Variants in MAMDC2 observed in about 807,000 individuals in gnomAD.
MAMDC2 encodes the protein MAM domain containing 2, also known as MAM domain-containing protein 2.
Under a neutral mutation model 89.8 loss-of-function variants are expected in MAMDC2, and 57 were observed. The ratio of observed to expected loss-of-function variants is 0.63; its 90% CI spans 0.51 to 0.79. The LOEUF (loss-of-function observed/expected upper bound fraction) is 0.79. Among genes scored for constraint, MAMDC2 ranks in the 30% least tolerant of loss-of-function variants. The pLI is 0.00. For synonymous variants in MAMDC2, 313 were observed against 293.4 expected (o/e 1.07, Z -0.68); for missense variants, 800 against 820.6 (o/e 0.97, Z 0.31).
chr9:70,063,826 G>C (rs1284841353), intron 2 of MAMDC2, among the ~76,000 whole-genome samples: 1 of 151,936 alleles, frequency 6.6e-6, no homozygotes, highest in Non-Finnish European at 1.5e-5. Context: ...AAGAAAATTG[G>C]GGCTCAAATA....
chr9:70,106,902 G>A (rs184732646), intron 2 of MAMDC2, among the ~76,000 whole-genome samples: 11 of 152,230 alleles, frequency 7.2e-5, no homozygotes, highest in Admixed American at 2.6e-4. Context: ...GTCGGTACTC[G>A]CCACGGATAT....
chr9:70,148,632 C>G lies in MAMDC2; in HGVS notation c.1404+4813C>G, dbSNP rs868740561. 3.3e-5 allele frequency among the ~76,000 whole-genome samples: 5 copies of G among 149,574 alleles called. 1 individual carries two copies. The Middle Eastern group carries it at 0.011, about 316-fold the overall frequency. On this transcript the variant is annotated intron_variant, in intron 9 of 13. Transcript: ENST00000377182. The stretch of plus-strand genomic sequence containing the variant: ...AGGGAGGGCCAGGCATGGTGGCTCA[C>G]AACTGTAATCCCAGCACTTTGGGAG...
At chr9:70,118,747 G>A (rs1355971022) in intron 5 of MAMDC2, among the ~76,000 whole-genome samples, 1 of 152,214 alleles carries the variant, frequency 6.6e-6, no homozygotes, top group Non-Finnish European at 1.5e-5. Flanking sequence ...ACGTAGAAGG[G>A]AAGCTCATTG....
At chr9:70,066,975 G>A (rs1827281523) in intron 2 of MAMDC2, among the ~76,000 whole-genome samples, 1 of 152,180 alleles carries the variant, frequency 6.6e-6, no homozygotes, top group African/African-American at 2.4e-5. Context: ...CAAACCCCAA[G>A]GAGATTAGCA....
intron 11 of MAMDC2, among the ~76,000 whole-genome samples, chr9:70,172,409 T>C (rs573702741): frequency 2.0e-5 from 3 of 152,344 alleles, no homozygotes; most frequent in Admixed American, 2.0e-4. Flanking sequence ...AGTGATCTCT[T>C]AGCTATTGAA....
At chr9:70,180,537 A>C (rs905530341) in intron 11 of MAMDC2, among the ~76,000 whole-genome samples, 6 of 152,140 alleles carry the variant, frequency 3.9e-5, no homozygotes, top group African/African-American at 1.4e-4. Context: ...TTGTTTTCTG[A>C]CTTTTTAATG....
chr9:70,104,444 A>G (rs780655185), intron 2 of MAMDC2, among the ~76,000 whole-genome samples: 19 of 152,218 alleles, frequency 1.2e-4, no homozygotes, highest in Non-Finnish European at 2.5e-4. Context: ...ACTCCTAGGC[A>G]TACACCTAGG....
intron 2 of MAMDC2, among the ~76,000 whole-genome samples, chr9:70,075,866 G>T (rs1376270615): frequency 6.6e-6 from 1 of 152,242 alleles, no homozygotes; most frequent in Middle Eastern, 3.2e-3. Flanking sequence ...CTGTCTGGAA[G>T]AATGCAGGCA....
At chr9:70,118,014 T>C (rs997036133) in intron 5 of MAMDC2, among the ~76,000 whole-genome samples, 1 of 152,166 alleles carries the variant, frequency 6.6e-6, no homozygotes, top group African/African-American at 2.4e-5. Context: ...GAAGTAATAG[T>C]AGAACTGGAA....
intron 9 of MAMDC2, among the ~76,000 whole-genome samples, chr9:70,151,382 A>C (rs553937283): frequency 6.6e-6 from 1 of 152,336 alleles, no homozygotes; most frequent in South Asian, 2.1e-4. Flanking sequence ...TACAGCCTTC[A>C]TGAGGACAGG....
chr9:70,151,819 C>A (rs17088905), intron 9 of MAMDC2, among the ~76,000 whole-genome samples: 10,452 of 152,156 alleles, frequency 0.069, 568 homozygotes, highest in East Asian at 0.22. Flanking sequence ...TAAGGTCCCC[C>A]AGATGATCTA....
intron 9 of MAMDC2, among the ~76,000 whole-genome samples, chr9:70,161,477 T>G (rs528460912): frequency 1.3e-5 from 2 of 152,228 alleles, no homozygotes; most frequent in Non-Finnish European, 2.9e-5. Flanking sequence ...TAAAAACACA[T>G]GGTCATTCTG....
intron 12 of MAMDC2, among the ~76,000 whole-genome samples, chr9:70,223,992 T>A (rs1022507054): frequency 2.0e-5 from 3 of 152,204 alleles, no homozygotes; most frequent in Admixed American, 2.0e-4. Flanking sequence ...CATAGACTAT[T>A]CAGAATATAA....
At chr9:70,044,870 G>C (rs976597518) in intron 2 of MAMDC2, among the ~76,000 whole-genome samples, 173 bp downstream of exon 2, 4 of 152,264 alleles carry the variant, frequency 2.6e-5, no homozygotes, top group African/African-American at 7.2e-5. Context: ...GCCGAGGCAG[G>C]AACGGGGCGG....
Position 70,214,326 on chromosome 9 carries a change from A to G in MAMDC2, c.1652-4011A>G, listed in dbSNP as rs146197437. On this transcript the variant is annotated intron_variant, in intron 11 of 13. Coordinates refer to ENST00000377182, the MANE Select transcript of MAMDC2 (RefSeq NM_153267.5). ...GGAGGTAAGAGAGTGAGACCTGAGA[A>G]TATCTAGAGGAAGAACCAGACTTAG... is the stretch of plus-strand genomic sequence containing the variant. Among the ~76,000 whole-genome samples, 303 of 152,330 alleles carry G rather than the reference A, an allele frequency of 2.0e-3. 1 individual carries two copies. The highest frequency in any genetic ancestry group is 7.0e-3 in the African/African-American group (291 of 41,576).
At position 70,197,304 on chromosome 9, in the gene MAMDC2, T is replaced by TG. The variant is rs143709008; in HGVS notation, c.1652-21032dup. On this transcript the variant is annotated intron_variant, in intron 11 of 13. Transcript: ENST00000377182. Reference sequence around the variant, plus strand: ...GCTGGAAGAACTTATGGAGTAAAGTTGTGAATGATTTTAAAGGCTTTCTGG... The same window carrying TG: ...GCTGGAAGAACTTATGGAGTAAAGTTGGTGAATGATTTTAAAGGCTTTCTGG... 2.2e-3 allele frequency among the ~76,000 whole-genome samples: 338 copies of TG among 152,292 alleles called. 10 individuals are homozygous for TG. In the East Asian group the frequency reaches 0.054, roughly 25 times the overall value.
intron 9 of MAMDC2, among the ~76,000 whole-genome samples, chr9:70,158,359 C>T (rs928841484): frequency 6.6e-6 from 1 of 151,904 alleles, no homozygotes; most frequent in African/African-American, 2.4e-5. Flanking sequence ...TTATACTGTA[C>T]ACTGTTTGTA....
At chr9:70,222,453 T>C (rs192823751) in intron 12 of MAMDC2, among the ~76,000 whole-genome samples, 16 of 152,206 alleles carry the variant, frequency 1.1e-4, no homozygotes, top group African/African-American at 2.9e-4. Flanking sequence ...TAGAGTGTGA[T>C]AGTACTGCTG....
chr9:70,193,365 G>A (rs137910162), intron 11 of MAMDC2, among the ~76,000 whole-genome samples: 8 of 152,050 alleles, frequency 5.3e-5, no homozygotes, highest in East Asian at 1.9e-4. Flanking sequence ...GAGGTAGATC[G>A]GATCTTCTAG....
Sources: allele counts gnomAD v4.1 joint callset (sites outside exome capture counted in the v4.1 genomes callset), GRCh38; gene constraint gnomAD v4.1.1; transcripts MANE v1.5; gene names NCBI Gene and HGNC (gene_info 2026-07-23, HGNC 2026-07-21).